GABRG3: variants seen among roughly 807,000 people sequenced by gnomAD.
GABRG3 encodes gamma-aminobutyric acid type A receptor subunit gamma3.
Under a neutral mutation model 48.8 loss-of-function variants are expected in GABRG3, and 25 were observed. The ratio of observed to expected loss-of-function variants is 0.51; its 90% confidence interval spans 0.37 to 0.72. The LOEUF is 0.72. Among genes scored for constraint, GABRG3 ranks in the 30% least tolerant of loss-of-function variants. The pLI is 0.00. For synonymous variants in GABRG3, 227 were observed against 217.6 expected, an observed-to-expected ratio of 1.04 and a Z score of -0.38; for missense variants, 394 against 577.9, an observed-to-expected ratio of 0.68 and a Z score of 3.26.
intron 2 of GABRG3, among the ~76,000 whole-genome samples, chr15:26,994,327 CTTTAA>C (rs1007468256): frequency 6.6e-6 from 1 of 151,304 alleles, no homozygotes; most frequent in African/African-American, 2.4e-5. Flanking sequence ...TGGTGGTTTG[CTTTAA>C]TTTCTTTCTA....
chr15:27,380,891 G>A (rs377626217), intron 5 of GABRG3, among the ~76,000 whole-genome samples: 2 of 150,792 alleles, frequency 1.3e-5, no homozygotes, highest in Admixed American at 6.6e-5. Flanking sequence ...TCAGCCTCCC[G>A]AGTAGCTGGG....
chr15:27,539,608 A>C lies in GABRG3; in HGVS notation c.*6727A>C, dbSNP rs1358418728. ...ATAAAATATTGTTTATATTTGTAAC[A>C]GGAAGGATTTTCAATGTCAATTTCA... On this transcript the variant is annotated 3_prime_UTR_variant, in exon 10 of 10. Coordinates refer to ENST00000615808, the MANE Select transcript of GABRG3 (RefSeq NM_033223.5). 1 of 152,168 alleles carries C rather than the reference A, an allele frequency of 6.6e-6. No homozygotes were observed. The highest frequency in any genetic ancestry group is 6.5e-5 in the Admixed American group (1 of 15,280). The allele number at this position is 152,168 out of a possible 1,614,324, so 9.4% of individuals were successfully genotyped here.
At chr15:27,248,478 T>G (rs1434218203) in intron 3 of GABRG3, among the ~76,000 whole-genome samples, 6 of 152,102 alleles carry the variant, frequency 3.9e-5, no homozygotes, top group Non-Finnish European at 5.9e-5. Flanking sequence ...TACTTATTAC[T>G]CAGCCACTGG....
At chr15:27,381,218 G>C (rs911053999) in intron 5 of GABRG3, among the ~76,000 whole-genome samples, 1 of 152,150 alleles carries the variant, frequency 6.6e-6, no homozygotes, top group Admixed American at 6.6e-5. Flanking sequence ...CTCCAACTTG[G>C]TTTGGCTCTG....
chr15:27,475,749 G>A (rs374400408), intron 5 of GABRG3, among the ~76,000 whole-genome samples: 20 of 151,910 alleles, frequency 1.3e-4, no homozygotes, highest in African/African-American at 4.3e-4. Context: ...ATTGATGATC[G>A]TGATGGTGAC....
At chr15:27,000,608 C>T (rs539395285) in intron 2 of GABRG3, among the ~76,000 whole-genome samples, 23 of 152,176 alleles carry the variant, frequency 1.5e-4, no homozygotes, top group African/African-American at 2.2e-4. Context: ...TCATGTGATC[C>T]GGTTGTTTAC....
chr15:27,389,638 A>G (rs1896161194), intron 5 of GABRG3, among the ~76,000 whole-genome samples: 1 of 152,194 alleles, frequency 6.6e-6, no homozygotes. Context: ...TCTAACTCTG[A>G]TTGGTAAAAT....
intron 6 of GABRG3, among the ~76,000 whole-genome samples, chr15:27,512,196 C>T (rs187118136): frequency 2.0e-3 from 308 of 152,056 alleles, no homozygotes; most frequent in Non-Finnish European, 2.8e-3. Context: ...AATTAAGCAA[C>T]GATTACAATT....
intron 5 of GABRG3, among the ~76,000 whole-genome samples, chr15:27,380,043 G>A (rs576994787): frequency 8.6e-4 from 129 of 150,610 alleles, no homozygotes; most frequent in African/African-American, 2.6e-3. Flanking sequence ...ATAATTATCC[G>A]ATGGTTTTTT....
At chr15:27,471,723 A>G (rs893321489) in intron 5 of GABRG3, among the ~76,000 whole-genome samples, 38 of 152,294 alleles carry the variant, frequency 2.5e-4, no homozygotes, top group African/African-American at 7.2e-4. Context: ...TTTTTCTCAT[A>G]TGGCTTCCAC....
intron 3 of GABRG3, among the ~76,000 whole-genome samples, chr15:27,278,486 C>G (rs1372912385): frequency 1.3e-5 from 2 of 152,322 alleles, no homozygotes; most frequent in East Asian, 1.9e-4. Flanking sequence ...TGCCACCCCC[C>G]ATCCCTAATC....
chr15:27,226,713 G>A (rs1004755270), intron 3 of GABRG3, among the ~76,000 whole-genome samples: 7 of 152,274 alleles, frequency 4.6e-5, no homozygotes, highest in African/African-American at 1.4e-4. Flanking sequence ...CTGGAGTGAC[G>A]GGCACATAAC....
chr15:27,235,404 A>G (rs534940913), intron 3 of GABRG3, among the ~76,000 whole-genome samples: 1 of 150,586 alleles, frequency 6.6e-6, no homozygotes, highest in South Asian at 2.1e-4. Context: ...GTTATCTCTC[A>G]GTGACTCCAT....
intron 3 of GABRG3, among the ~76,000 whole-genome samples, chr15:27,169,579 A>G (rs1310979578): frequency 2.0e-5 from 3 of 152,138 alleles, no homozygotes; most frequent in Non-Finnish European, 4.4e-5. Context: ...GACATTTCCC[A>G]TGGAGGTCAC....
At chr15:27,455,378 ATGGG>A (rs1889234837) in intron 5 of GABRG3, among the ~76,000 whole-genome samples, 1 of 146,336 alleles carries the variant, frequency 6.8e-6, no homozygotes, top group African/African-American at 2.6e-5. Context: ...TGGTTCGTGT[ATGGG>A]GTGTATGTGG....
chr15:27,517,916 T>C (rs1434292166), intron 6 of GABRG3, among the ~76,000 whole-genome samples: 2 of 152,170 alleles, frequency 1.3e-5, no homozygotes, highest in Admixed American at 6.5e-5. Flanking sequence ...TCTTGGTAAA[T>C]GATATCAAAG....
intron 5 of GABRG3, among the ~76,000 whole-genome samples, chr15:27,436,519 G>T (rs755115221): frequency 4.6e-5 from 7 of 152,214 alleles, no homozygotes; most frequent in Non-Finnish European, 7.3e-5. Context: ...TGAGATGGTA[G>T]ATAGGTTTGT....
At chr15:27,027,242 A>G (rs1211593303) in intron 3 of GABRG3, among the ~76,000 whole-genome samples, 1 of 152,236 alleles carries the variant, frequency 6.6e-6, no homozygotes, top group African/African-American at 2.4e-5. Flanking sequence ...TTGGATGTGA[A>G]AGAAGCCCTT....
chr15:27,365,214 T>A (rs956182630), intron 5 of GABRG3: 5 of 135,542 alleles, frequency 3.7e-5, no homozygotes, highest in African/African-American at 1.5e-4. Context: ...GGAAATATAC[T>A]GATACACTAC....
Sources: gnomAD v4.1 joint callset for allele counts (sites outside exome capture counted in the v4.1 genomes callset) on GRCh38, gnomAD v4.1.1 for gene constraint, MANE v1.5 for transcripts, NCBI Gene and HGNC (gene_info 2026-07-23, HGNC 2026-07-21) for gene names.